The following CLN6 variants were observed in gnomAD, a reference collection of about 807,000 sequenced individuals.
CLN6 encodes CLN6 transmembrane ER protein, also known as ceroid-lipofuscinosis neuronal protein 6.
In CLN6, 22 loss-of-function variants were observed where a neutral mutation model predicts 33.3. The observed-to-expected ratio is 0.66, with a 90% CI of 0.47 to 0.94. The LOEUF is 0.94. Among genes scored for constraint, CLN6 ranks in the 40% least tolerant of loss-of-function variants. The pLI is 0.00. For synonymous variants in CLN6, 201 were observed against 174.6 expected, an observed-to-expected ratio of 1.15 and a Z score of -1.19; for missense variants, 387 against 417.1, an observed-to-expected ratio of 0.93 and a Z score of 0.63.
rs1314947990 is a variant in CLN6 at position 68,219,641 on chromosome 15, C to A, written c.84-991G>T. ...GCCCACTGCAGGGAGCATTTCAACG[C>A]CAACCCAGTCTGGCATAATGGGGCT... On this transcript the variant is annotated intron_variant, in intron 1 of 6. Coordinates refer to ENST00000249806, the MANE Select transcript of CLN6 (RefSeq NM_017882.3). The surrounding 1 kb of genome is among the most constrained non-coding windows in gnomAD (Gnocchi z 4.2). Among the ~76,000 whole-genome samples the A allele has an allele frequency of 1.3e-5, 2 of 152,188 alleles. No individual in the cohort carries two copies. Among genetic ancestry groups the A allele is most frequent in the Non-Finnish European group, 2.9e-5 (2 of 68,032 alleles).
Position 68,211,144 on chromosome 15 carries a change from G to A in CLN6, c.542+119C>T. ...AGCTCACAGTGCCTTTACAGGGGAT[G>A]AGACTCAACACATGGAGACCCGCAG... On this transcript the variant is annotated intron_variant, in intron 5 of 6. Coordinates refer to ENST00000249806, the MANE Select transcript of CLN6 (RefSeq NM_017882.3). The surrounding 1 kb of genome is among the most constrained non-coding windows in gnomAD (Gnocchi z 5.9). 1 of 878,762 alleles carries A rather than the reference G, an allele frequency of 1.1e-6. No individual in the cohort carries two copies. Among genetic ancestry groups the A allele is most frequent in the South Asian group, 1.3e-5 (1 of 76,004 alleles). The allele number at this position is 878,762 out of a possible 1,614,324, so 54.4% of individuals were successfully genotyped here.
Position 68,256,931 on chromosome 15 carries a change from G to C in CLN6, c.-63C>G, listed in dbSNP as rs1207545371. On this transcript the variant is annotated 5_prime_UTR_variant, in exon 1 of 7. Transcript: ENST00000538696. This position sits in a 1 kb window ranked among gnomAD's most constrained non-coding sequence, Gnocchi z 4.1. Reference sequence around the variant, plus strand: ...AGGGTCAGGGTGCGCGTCCCACCGCGTCGTGGGGCAGGGTGTAGTGATGGT... The same window carrying C: ...AGGGTCAGGGTGCGCGTCCCACCGCCTCGTGGGGCAGGGTGTAGTGATGGT... The C allele has an allele frequency of 1.6e-6, 1 of 622,402 alleles. No individual in the cohort carries two copies. The highest frequency in any genetic ancestry group is 1.8e-5 in the African/African-American group (1 of 54,232). The allele number at this position is 622,402 out of a possible 1,614,324, so 38.6% of individuals were successfully genotyped here.
chr15:68,250,579 C>A (rs1040178733), intron 1 of CLN6, among the ~76,000 whole-genome samples: 9 of 148,082 alleles, frequency 6.1e-5, no homozygotes, highest in Non-Finnish European at 1.0e-4. Context: ...GAGCCAAGAT[C>A]GCACCACTGC....
At chr15:68,255,334 T>C (rs750292867) in intron 1 of CLN6, among the ~76,000 whole-genome samples, 2 of 152,190 alleles carry the variant, frequency 1.3e-5, no homozygotes, top group South Asian at 4.1e-4. Flanking sequence ...GTTACTGGTG[T>C]GTCAGGCAAT....
rs907677649 is a variant in CLN6, at chr15:68,220,609, C to G, written c.84-1959G>C. On this transcript the variant is annotated intron_variant, in intron 1 of 6. Coordinates refer to ENST00000249806, the MANE Select transcript of CLN6 (RefSeq NM_017882.3). This position sits in a 1 kb window ranked among gnomAD's most constrained non-coding sequence, Gnocchi z 4.2. ...GGACATCCAGGTAAGAATGAAGTAG[C>G]CTCGCAGAGAGGATCAGGGAAAGGG... 6.6e-6 allele frequency among the ~76,000 whole-genome samples: 1 copy of G among 152,210 alleles called. No individual in the cohort carries two copies. The highest frequency in any genetic ancestry group is 1.5e-5 in the Non-Finnish European group (1 of 68,050).
chr15:68,208,131 G>A lies in CLN6; in HGVS notation c.*9C>T, dbSNP rs1373212902. ...ACCCAGCAGAGCGCCAGAGCCTGGTGCCAGGGACTCAGTGCCGACTGCTGA... is the reference window on the plus strand; with the variant it reads ...ACCCAGCAGAGCGCCAGAGCCTGGTACCAGGGACTCAGTGCCGACTGCTGA... On this transcript the variant is annotated 3_prime_UTR_variant, in exon 7 of 7. Coordinates refer to ENST00000249806, the MANE Select transcript of CLN6 (RefSeq NM_017882.3). This position sits in a 1 kb window ranked among gnomAD's most constrained non-coding sequence, Gnocchi z 5.8. 6.2e-7 allele frequency: 1 copy of A among 1,608,356 alleles called. No homozygotes were observed.
At chr15:68,222,253 C>T (rs1247516817) in intron 1 of CLN6, among the ~76,000 whole-genome samples, 3 of 145,298 alleles carry the variant, frequency 2.1e-5, no homozygotes, top group Non-Finnish European at 1.5e-5. Context: ...CCTGGCCGCC[C>T]CATCTGGGAA....
In CLN6 at chr15:68,207,670, G is replaced by A. The variant is rs565006193; in HGVS notation, c.*470C>T. ...TGCTCAACAGCCACAGTAGGCTGACGTAACCTATGTAATGTAGGGTCAGGG... is the reference window on the plus strand; with the variant it reads ...TGCTCAACAGCCACAGTAGGCTGACATAACCTATGTAATGTAGGGTCAGGG... On this transcript the variant is annotated 3_prime_UTR_variant, in exon 7 of 7. Coordinates refer to ENST00000249806, the MANE Select transcript of CLN6 (RefSeq NM_017882.3). The A allele has an allele frequency of 5.6e-4, 124 of 221,736 alleles. 1 individual carries two copies. In the South Asian group the frequency reaches 7.2e-3, roughly 13 times the overall value. The allele number at this position is 221,736 out of a possible 1,614,324, so 13.7% of individuals were successfully genotyped here. A position where few individuals can be genotyped will look rare whatever the true frequency, so the allele number is the denominator to read the frequency against.
At position 68,229,654 on chromosome 15, in the gene CLN6, G is replaced by A. The variant is rs2093263218; in HGVS notation, c.-70C>T. 6.3e-6 allele frequency: 8 copies of A among 1,278,536 alleles called. No homozygotes were observed. The South Asian group carries it at 1.2e-4, about 19-fold the overall frequency. 79.2% of individuals were successfully genotyped at this position (1,278,536 alleles called of 1,614,324 possible). ...CCGGTTCAGCTCGGCTGCCCCGGCGGAGGCCGCCGCAAATTCCCAGCGCGG... is the reference window on the plus strand; with the variant it reads ...CCGGTTCAGCTCGGCTGCCCCGGCGAAGGCCGCCGCAAATTCCCAGCGCGG... On this transcript the variant is annotated 5_prime_UTR_variant, in exon 1 of 7. Coordinates refer to ENST00000249806, the MANE Select transcript of CLN6 (RefSeq NM_017882.3).
intron 1 of CLN6, among the ~76,000 whole-genome samples, chr15:68,235,125 T>C (rs1423366238): frequency 1.3e-5 from 2 of 152,206 alleles, no homozygotes; most frequent in African/African-American, 2.4e-5. Flanking sequence ...TATTATCTCA[T>C]TTAATCCTCA....
At chr15:68,240,258 A>G (rs7165178) in intron 1 of CLN6, among the ~76,000 whole-genome samples, 38,160 of 152,072 alleles carry the variant, frequency 0.25, 4,902 homozygotes, top group African/African-American at 0.32. Flanking sequence ...AATATAAAGG[A>G]AAAATTAATG....
Position 68,256,958 on chromosome 15 carries a change from A to C in CLN6, c.-90T>G. On this transcript the variant is annotated 5_prime_UTR_variant, in exon 1 of 7. Transcript: ENST00000538696. The surrounding 1 kb of genome is among the most constrained non-coding windows in gnomAD (Gnocchi z 4.1). Reference sequence around the variant, plus strand: ...CGTGGGGCAGGGTGTAGTGATGGTCACGCATCCCTTCCCTGGGCTTCTCCG... The same window carrying C: ...CGTGGGGCAGGGTGTAGTGATGGTCCCGCATCCCTTCCCTGGGCTTCTCCG... 1 of 591,100 alleles carries C rather than the reference A, an allele frequency of 1.7e-6. No homozygotes were observed. Among genetic ancestry groups the C allele is most frequent in the Non-Finnish European group, 3.0e-6 (1 of 329,832 alleles). The allele number at this position is 591,100 out of a possible 1,614,324, so 36.6% of individuals were successfully genotyped here. A position where few individuals can be genotyped will look rare whatever the true frequency, so the allele number is the denominator to read the frequency against.
Position 68,211,529 on chromosome 15 carries a change from G to C in CLN6, c.486+146C>G. 1 of 1,593,898 alleles carries C rather than the reference G, an allele frequency of 6.3e-7. No individual in the cohort carries two copies. Among genetic ancestry groups the C allele is most frequent in the East Asian group, 2.2e-5 (1 of 44,798 alleles). On this transcript the variant is annotated intron_variant, in intron 4 of 6. Coordinates refer to ENST00000249806, the MANE Select transcript of CLN6 (RefSeq NM_017882.3). The surrounding 1 kb of genome is among the most constrained non-coding windows in gnomAD (Gnocchi z 5.9). The stretch of plus-strand genomic sequence containing the variant: ...TTCCTAAGAACACTTGAGCATCCTA[G>C]CTTGGGGCAGGCGACAGTGCCCTCA...
chr15:68,254,670 A>C, intron 1 of CLN6: 1 of 726,372 alleles, frequency 1.4e-6, no homozygotes, highest in Non-Finnish European at 2.5e-6. Flanking sequence ...GCTAAAGGAG[A>C]TAAAACCAAG....
rs1215229161 is a variant in CLN6, at chr15:68,210,703, C to G, written c.542+560G>C. Among the ~76,000 whole-genome samples, 1 of 152,154 alleles carries G rather than the reference C, an allele frequency of 6.6e-6. No homozygotes were observed. Among genetic ancestry groups the G allele is most frequent in the Non-Finnish European group, 1.5e-5 (1 of 68,004 alleles). On this transcript the variant is annotated intron_variant, in intron 5 of 6. Transcript: ENST00000249806. The surrounding 1 kb of genome is among the most constrained non-coding windows in gnomAD (Gnocchi z 5.6). ...GAGGCTGAGACCACATTTCTGAGGTCTCCCCCGACTGAGGGACGGGGTAGG... is the reference window on the plus strand; with the variant it reads ...GAGGCTGAGACCACATTTCTGAGGTGTCCCCCGACTGAGGGACGGGGTAGG...
Position 68,208,386 on chromosome 15 carries a change from G to T in CLN6, c.690C>A (p.Ile230=), listed in dbSNP as rs1280578239. 1 of 1,613,348 alleles carries T rather than the reference G, an allele frequency of 6.2e-7. No homozygotes were observed. The highest frequency in any genetic ancestry group is 8.5e-7 in the Non-Finnish European group (1 of 1,180,026). ...AGAAGGTGAAGATGAAGAGGATGAAGATCTGGCCCTCGGTGACCAGGTACC... is the reference window on the plus strand; with the variant it reads ...AGAAGGTGAAGATGAAGAGGATGAATATCTGGCCCTCGGTGACCAGGTACC... ...YYWYLVTEGQ[I]FILFIFTFFA... Residue 230 remains isoleucine (I), a synonymous_variant, in exon 7 of 7, where the codon ATC becomes ATA. Coordinates refer to ENST00000249806, the MANE Select transcript of CLN6 (RefSeq NM_017882.3). This position sits in a 1 kb window ranked among gnomAD's most constrained non-coding sequence, Gnocchi z 5.8.
intron 2 of CLN6, chr15:68,214,605 ACTT>A (rs1479114048): frequency 1.9e-6 from 1 of 530,936 alleles, no homozygotes; most frequent in African/African-American, 1.9e-5. Context: ...GAGGTAACGG[ACTT>A]GTCCCCAGAC....
upstream of CLN6, among the ~76,000 whole-genome samples, chr15:68,233,154 T>A (rs190607598): frequency 6.6e-6 from 1 of 152,152 alleles, no homozygotes; most frequent in Non-Finnish European, 1.5e-5. This position sits in a 1 kb window ranked among gnomAD's most constrained non-coding sequence, Gnocchi z 4.3. Context: ...TTCTCCTCTG[T>A]CTCACTCCCC....
intron 2 of CLN6, chr15:68,215,059 C>T (rs1216785089): frequency 6.5e-6 from 1 of 154,514 alleles, no homozygotes; most frequent in African/African-American, 2.4e-5. Flanking sequence ...GAGCCCTGGC[C>T]TTGTCCAGGC....
Sources: allele counts gnomAD v4.1 joint callset (sites outside exome capture counted in the v4.1 genomes callset), GRCh38; gene constraint gnomAD v4.1.1; non-coding constraint Gnocchi (gnomAD v3.1); transcripts MANE v1.5; gene names NCBI Gene and HGNC (gene_info 2026-07-23, HGNC 2026-07-21).